The following ADAMTS2 variants were observed in gnomAD, a reference collection of about 807,000 sequenced individuals.
The protein encoded by ADAMTS2 is ADAM metallopeptidase with thrombospondin type 1 motif 2, also known as A disintegrin and metalloproteinase with thrombospondin motifs 2.
Under a neutral mutation model 123.0 loss-of-function variants are expected in ADAMTS2, and 50 were observed. The observed-to-expected ratio is 0.41, with a 90% CI of 0.32 to 0.51. The LOEUF is 0.51. Among genes scored for constraint, ADAMTS2 ranks in the 20% least tolerant of loss-of-function variants. The pLI, the probability that ADAMTS2 is intolerant of heterozygous loss-of-function variation, is 0.35. For missense variants in ADAMTS2, 1,494 were observed against 1,705.2 expected, an observed-to-expected ratio of 0.88 and a Z score of 2.18; for synonymous variants, 678 against 695.4, an observed-to-expected ratio of 0.98 and a Z score of 0.39.
rs996313831 is a variant in ADAMTS2 at position 179,201,409 on chromosome 5, CA to C, written c.891+6103del. Among the ~76,000 whole-genome samples, 32 of 152,188 alleles carry C rather than the reference CA, an allele frequency of 2.1e-4. No homozygotes were observed. The Middle Eastern group carries it at 0.01, about 49-fold the overall frequency. On this transcript the variant is annotated intron_variant, in intron 4 of 21. Transcript: ENST00000251582. ...GACAGTCATATGGTGCGATGTTATG[CA>C]ATCATTAAAACAACGTAGTAGACAA...
intron 3 of ADAMTS2, among the ~76,000 whole-genome samples, chr5:179,261,458 C>T (rs905946562): frequency 2.6e-5 from 4 of 152,228 alleles, no homozygotes; most frequent in African/African-American, 9.6e-5. Flanking sequence ...TCAGTAGGTG[C>T]CCCCTGATGG....
At chr5:179,140,170 C>T in intron 10 of ADAMTS2, 135 bp from the exon 11 acceptor site, 1 of 1,309,102 alleles carries the variant, frequency 7.6e-7, no homozygotes, top group Non-Finnish European at 1.1e-6. Flanking sequence ...ACCCTCCTCG[C>T]CCCTAGATGC....
chr5:179,208,921 G>A (rs1019020446), intron 3 of ADAMTS2, among the ~76,000 whole-genome samples: 1 of 152,190 alleles, frequency 6.6e-6, no homozygotes, highest in East Asian at 1.9e-4. Context: ...AGGCCCCGAG[G>A]CCCCTGCAGC....
intron 18 of ADAMTS2, 141 bp from the exon 19 acceptor site, chr5:179,125,321 C>T (rs113126641): frequency 1.4e-6 from 1 of 713,800 alleles, no homozygotes. Flanking sequence ...TGCACCTTCT[C>T]TTATTCTCAC....
intron 10 of ADAMTS2, among the ~76,000 whole-genome samples, chr5:179,141,031 T>C (rs1332566565): frequency 6.6e-6 from 1 of 151,864 alleles, no homozygotes; most frequent in African/African-American, 2.4e-5. Context: ...GCCAGGCTGG[T>C]CTCGAACTCC....
intron 2 of ADAMTS2, among the ~76,000 whole-genome samples, chr5:179,301,850 C>T (rs1484774307): frequency 9.2e-5 from 14 of 152,256 alleles, no homozygotes; most frequent in African/African-American, 2.2e-4. Context: ...GGAGTGCAGC[C>T]GGAGAGCCGG....
At chr5:179,136,425 G>T (rs756706478) in intron 12 of ADAMTS2, among the ~76,000 whole-genome samples, 21 of 152,266 alleles carry the variant, frequency 1.4e-4, no homozygotes, top group Non-Finnish European at 2.9e-4. Flanking sequence ...CAGCGCTTTG[G>T]GAGGCAGAGG....
At chr5:179,273,241 C>T (rs534309567) in intron 2 of ADAMTS2, among the ~76,000 whole-genome samples, 177 bp from the exon 3 acceptor site, 1 of 152,226 alleles carries the variant, frequency 6.6e-6, no homozygotes, top group East Asian at 1.9e-4. Flanking sequence ...GTCCCAGAGG[C>T]CGCCCCCCGC....
intron 2 of ADAMTS2, among the ~76,000 whole-genome samples, chr5:179,296,722 G>A (rs888632208): frequency 6.6e-6 from 1 of 152,260 alleles, no homozygotes; most frequent in Non-Finnish European, 1.5e-5. Flanking sequence ...TGTGGGTCAG[G>A]AGGGTGGTGC....
In ADAMTS2 at chr5:179,130,325, C is replaced by T. The variant is rs549107564; in HGVS notation, c.2291-227G>A. ...ATTACCCTCCACTCGCATCCTCTGC[C>T]CCCACCAGCCCTGGAGGTGCCGGCT... On this transcript the variant is annotated intron_variant, in intron 15 of 21. Coordinates refer to ENST00000251582, the MANE Select transcript of ADAMTS2 (RefSeq NM_014244.5). This position sits in a 1 kb window ranked among gnomAD's most constrained non-coding sequence, Gnocchi z 4.3. 2.6e-4 allele frequency among the ~76,000 whole-genome samples: 39 copies of T among 152,292 alleles called. No individual in the cohort carries two copies. The highest frequency in any genetic ancestry group is 4.6e-4 in the Non-Finnish European group (31 of 68,026).
intron 3 of ADAMTS2, among the ~76,000 whole-genome samples, chr5:179,215,391 T>C (rs1299851151): frequency 1.3e-5 from 2 of 152,172 alleles, no homozygotes; most frequent in African/African-American, 4.8e-5. Flanking sequence ...GAGGCTGTGG[T>C]AAGCTGAGAT....
chr5:179,126,245 T>C, intron 17 of ADAMTS2, 115 bp from the exon 18 acceptor site: 1 of 1,469,494 alleles, frequency 6.8e-7, no homozygotes, highest in Non-Finnish European at 9.4e-7. Context: ...ACCCTTGTGA[T>C]GACAATAAGG....
At chr5:179,302,159 A>C (rs1195704975) in intron 2 of ADAMTS2, among the ~76,000 whole-genome samples, 1 of 152,074 alleles carries the variant, frequency 6.6e-6, no homozygotes, top group Non-Finnish European at 1.5e-5. Context: ...CACTGCATGT[A>C]TGAAAATAGA....
rs73807263 is a variant in ADAMTS2 at position 179,162,208 on chromosome 5, T to G, written c.976-3329A>C. Reference sequence around the variant, plus strand: ...ACTTCTGCCTGCCCTTGTTTCCCTTTCGTGAAACTTCCCCTCCTTTAATCT... The same window carrying G: ...ACTTCTGCCTGCCCTTGTTTCCCTTGCGTGAAACTTCCCCTCCTTTAATCT... On this transcript the variant is annotated intron_variant, in intron 5 of 21. Transcript: ENST00000251582. The surrounding 1 kb of genome is among the most constrained non-coding windows in gnomAD (Gnocchi z 5.1). Among the ~76,000 whole-genome samples, 4,160 of 152,250 alleles carry G rather than the reference T, an allele frequency of 0.027. 177 individuals carry two copies. The highest frequency in any genetic ancestry group is 0.094 in the African/African-American group (3,912 of 41,544).
At chr5:179,186,480 C>T (rs1764172720) in intron 4 of ADAMTS2, among the ~76,000 whole-genome samples, 1 of 152,162 alleles carries the variant, frequency 6.6e-6, no homozygotes, top group Non-Finnish European at 1.5e-5. Context: ...GGAGTGAGCC[C>T]CGTCCTGCCC....
intron 4 of ADAMTS2, among the ~76,000 whole-genome samples, chr5:179,191,851 T>G (rs532229479): frequency 2.4e-4 from 36 of 152,228 alleles, no homozygotes; most frequent in African/African-American, 8.7e-4. Context: ...TGAATGGGCC[T>G]CAGGCAGCAC....
intron 2 of ADAMTS2, among the ~76,000 whole-genome samples, chr5:179,291,317 T>A (rs1317901325): frequency 6.6e-6 from 1 of 152,198 alleles, no homozygotes; most frequent in Non-Finnish European, 1.5e-5. Flanking sequence ...CATCCTTCAC[T>A]CTGTGCCTCT....
At chr5:179,136,180 G>T in intron 12 of ADAMTS2, 138 bp from the exon 13 acceptor site, 2 of 1,271,184 alleles carry the variant, frequency 1.6e-6, no homozygotes, top group South Asian at 1.2e-5. Flanking sequence ...AGAGGGAAAG[G>T]GGTGGGTGAC....
Position 179,261,492 on chromosome 5 carries a change from G to A in ADAMTS2, c.688+11419C>T, listed in dbSNP as rs1476814241. Among the ~76,000 whole-genome samples the A allele has an allele frequency of 5.9e-5, 9 of 152,206 alleles. No homozygotes were observed. The South Asian group carries it at 6.2e-4, about 10-fold the overall frequency. ...GGCTGCTCAGGGCCAGGGCTCGAGC[G>A]CGTCTGGGCTGGCTCAGGCCGCCAT... is the stretch of plus-strand genomic sequence containing the variant. On this transcript the variant is annotated intron_variant, in intron 3 of 21. Coordinates refer to ENST00000251582, the MANE Select transcript of ADAMTS2 (RefSeq NM_014244.5).
Sources: gnomAD v4.1 joint callset for allele counts (sites outside exome capture counted in the v4.1 genomes callset) on GRCh38, gnomAD v4.1.1 for gene constraint, Gnocchi (gnomAD v3.1) non-coding constraint, MANE v1.5 for transcripts, NCBI Gene and HGNC (gene_info 2026-07-23, HGNC 2026-07-21) for gene names.